Variants in DCP1B observed in about 807,000 individuals in gnomAD.
DCP1B encodes the protein mRNA-decapping enzyme 1B.
DCP1B carries 47 observed loss-of-function variants against 60.5 expected under a neutral mutation model. The observed-to-expected ratio is 0.78, with a 90% CI of 0.61 to 0.99. The LOEUF (loss-of-function observed/expected upper bound fraction) is 0.99. Among genes scored for constraint, DCP1B ranks in the 50% least tolerant of loss-of-function variants. DCP1B has a pLI of 0.00. For missense variants in DCP1B, 725 were observed against 756.8 expected, an observed-to-expected ratio of 0.96 and a Z score of 0.49; for synonymous variants, 267 against 280.3, an observed-to-expected ratio of 0.95 and a Z score of 0.47.
At chr12:1,989,708 C>T (rs1253494642) in intron 3 of DCP1B, among the ~76,000 whole-genome samples, 1 of 152,130 alleles carries the variant, frequency 6.6e-6, no homozygotes, top group Non-Finnish European at 1.5e-5. Flanking sequence ...AGCAAGACTC[C>T]GTCTCAATTG....
At chr12:1,965,474 C>T (rs1213532035) in intron 5 of DCP1B, 84 bp downstream of exon 5, 2 of 1,386,964 alleles carry the variant, frequency 1.4e-6, no homozygotes, top group African/African-American at 3.0e-5. Context: ...GAACAGCATC[C>T]ACAGTACCTA....
intron 5 of DCP1B, among the ~76,000 whole-genome samples, chr12:1,961,820 C>G (rs576117936): frequency 1.1e-4 from 17 of 152,194 alleles, no homozygotes; most frequent in African/African-American, 3.9e-4. Context: ...GACATAGGCA[C>G]AGTATAAAGT....
intron 5 of DCP1B, among the ~76,000 whole-genome samples, chr12:1,958,144 AATGACTTTTTCT>A (rs1320907243): frequency 6.7e-6 from 1 of 148,576 alleles, no homozygotes; most frequent in African/African-American, 2.5e-5. Context: ...CGCTCTGGGC[AATGACTTTTTCT>A]ATAAACCTCC....
In DCP1B at chr12:1,971,324, G is replaced by C; in HGVS notation, c.320-3414C>G. On this transcript the variant is annotated intron_variant, in intron 3 of 8. Transcript: ENST00000280665. This position sits in a 1 kb window ranked among gnomAD's most constrained non-coding sequence, Gnocchi z 4.2. ...GAACTCATCTCTCCATATTTAATCAGGATTTACCACACACCGTTGTAAAAT... is the reference window on the plus strand; with the variant it reads ...GAACTCATCTCTCCATATTTAATCACGATTTACCACACACCGTTGTAAAAT... 1 of 485,886 alleles carries C rather than the reference G, an allele frequency of 2.1e-6. No individual in the cohort carries two copies. The highest frequency in any genetic ancestry group is 3.3e-6 in the Non-Finnish European group (1 of 303,514). 30.1% of individuals were successfully genotyped at this position (485,886 alleles called of 1,614,324 possible).
intron 3 of DCP1B, among the ~76,000 whole-genome samples, chr12:1,969,413 A>C (rs2031673278): frequency 6.6e-6 from 1 of 152,164 alleles, no homozygotes; most frequent in African/African-American, 2.4e-5. Flanking sequence ...GTGTACCAGA[A>C]ATCTTTTATC....
At chr12:1,987,528 T>C (rs939533479) in intron 3 of DCP1B, among the ~76,000 whole-genome samples, 3 of 152,336 alleles carry the variant, frequency 2.0e-5, no homozygotes, top group Admixed American at 6.5e-5. Context: ...CCATTCTTGA[T>C]TACTGCTCCC....
intron 3 of DCP1B, among the ~76,000 whole-genome samples, chr12:1,981,676 G>A (rs929925032): frequency 2.0e-5 from 3 of 152,158 alleles, no homozygotes; most frequent in Admixed American, 1.3e-4. Context: ...AGTTTCAACA[G>A]ACAAGTGCTC....
At chr12:1,960,811 T>C (rs113540057) in intron 5 of DCP1B, among the ~76,000 whole-genome samples, 4,149 of 152,262 alleles carry the variant, frequency 0.027, 95 homozygotes, top group Middle Eastern at 0.054. Context: ...AACTGTTCAA[T>C]CTCTTCTTGA....
At chr12:1,951,575 G>A (rs2030671406) in intron 7 of DCP1B, among the ~76,000 whole-genome samples, 1 of 152,140 alleles carries the variant, frequency 6.6e-6, no homozygotes, top group African/African-American at 2.4e-5. Flanking sequence ...TGTGGGGGGT[G>A]GAGGTGGGTG....
At chr12:1,959,584 A>G (rs949905791) in intron 5 of DCP1B, among the ~76,000 whole-genome samples, 18 of 152,196 alleles carry the variant, frequency 1.2e-4, no homozygotes, top group Non-Finnish European at 1.8e-4. Flanking sequence ...AAGGCAAAAC[A>G]TAAGTGGTGG....
chr12:1,986,277 T>C (rs2037754660), intron 3 of DCP1B, among the ~76,000 whole-genome samples: 2 of 152,176 alleles, frequency 1.3e-5, no homozygotes, highest in South Asian at 2.1e-4. Context: ...CATGAGTTCC[T>C]AGACAGAATT....
chr12:1,980,700 T>C, intron 3 of DCP1B, among the ~76,000 whole-genome samples: 1 of 151,104 alleles, frequency 6.6e-6, no homozygotes, highest in South Asian at 2.1e-4. Context: ...TAATAAAGAG[T>C]TATTTATTTC....
chr12:1,949,577 G>C (rs2030582299), intron 7 of DCP1B, among the ~76,000 whole-genome samples: 1 of 152,206 alleles, frequency 6.6e-6, no homozygotes, highest in African/African-American at 2.4e-5. Flanking sequence ...CTTGGCCTCT[G>C]GGTGACAGCT....
At chr12:1,945,881 C>T (rs1004466262), downstream of DCP1B, among the ~76,000 whole-genome samples, 26 of 151,764 alleles carry the variant, frequency 1.7e-4, no homozygotes, top group African/African-American at 5.3e-4. Context: ...TGGGGTCTGT[C>T]GCGGGGTGGG....
rs936515048 is a variant in DCP1B, at chr12:1,971,752, C to A, written c.320-3842G>T. ...TTCTTATTAGCATGGTGCATTAGTT[C>A]ATTTTGCATGTTCTTTGGGGATTTG... On this transcript the variant is annotated intron_variant, in intron 3 of 8. Coordinates refer to ENST00000280665, the MANE Select transcript of DCP1B (RefSeq NM_152640.5). The surrounding 1 kb of genome is among the most constrained non-coding windows in gnomAD (Gnocchi z 4.2). 6.6e-6 allele frequency among the ~76,000 whole-genome samples: 1 copy of A among 152,182 alleles called. No homozygotes were observed. The highest frequency in any genetic ancestry group is 1.5e-5 in the Non-Finnish European group (1 of 68,028).
rs1459812802 is a variant in DCP1B, at chr12:1,961,826, A to G, written c.522+3732T>C. ...ATATTCCAAGACATAGGCACAGTAT[A>G]AAGTGATGGCCTAAATTAAATCTCC... On this transcript the variant is annotated intron_variant, in intron 5 of 8. Coordinates refer to ENST00000280665, the MANE Select transcript of DCP1B (RefSeq NM_152640.5). Among the ~76,000 whole-genome samples, 3 of 152,216 alleles carry G rather than the reference A, an allele frequency of 2.0e-5. No homozygotes were observed. In the South Asian group the frequency reaches 6.2e-4, roughly 32 times the overall value.
At position 1,952,448 on chromosome 12, in the gene DCP1B, G is replaced by C; in HGVS notation, c.1492C>G (p.Pro498Ala). Residue 498 changes from proline (P) to alanine (A), a missense_variant, in exon 7 of 9, where the codon CCC becomes GCC. Coordinates refer to ENST00000280665, the MANE Select transcript of DCP1B (RefSeq NM_152640.5). ...AGAGGAGTCTGCTGTTCTGTGTTGG[G>C]TGTCTTGTTGATCCAGGATTCCAAG... ...KPLESWINKT[P>A]NTEQQTPLFQ... The C allele has an allele frequency of 6.2e-7, 1 of 1,608,366 alleles. No homozygotes were observed. Among genetic ancestry groups the C allele is most frequent in the Non-Finnish European group, 8.5e-7 (1 of 1,176,038 alleles).
chr12:1,978,185 C>A (rs1321932800), intron 3 of DCP1B, among the ~76,000 whole-genome samples: 1 of 152,182 alleles, frequency 6.6e-6, no homozygotes, highest in Non-Finnish European at 1.5e-5. Context: ...AGAAAGGGGG[C>A]ATAGCCTTCT....
chr12:1,999,772 T>C (rs1426409892), intron 1 of DCP1B, among the ~76,000 whole-genome samples: 1 of 152,128 alleles, frequency 6.6e-6, no homozygotes, highest in Non-Finnish European at 1.5e-5. Context: ...TTAGCCAGTT[T>C]TTTCCCTAAC....
Sources: allele counts gnomAD v4.1 joint callset (sites outside exome capture counted in the v4.1 genomes callset), GRCh38; gene constraint gnomAD v4.1.1; non-coding constraint Gnocchi (gnomAD v3.1); transcripts MANE v1.5; gene names NCBI Gene and HGNC (gene_info 2026-07-23, HGNC 2026-07-21).